CPSF6: variants seen among roughly 807,000 people sequenced by gnomAD.
CPSF6 encodes the protein cleavage and polyadenylation specific factor 6.
Under a neutral mutation model 56.7 loss-of-function variants are expected in CPSF6, and 10 were observed. The observed-to-expected ratio is 0.18, with a 90% CI of 0.11 to 0.30. The LOEUF (loss-of-function observed/expected upper bound fraction) is 0.30, where lower values mean the gene tolerates loss of function less well. CPSF6 is among the 10% of genes least tolerant of loss of function. The probability of loss-of-function intolerance (pLI) is 1.00; values close to 1 mark genes in which losing one functional copy is unlikely to be tolerated. For missense variants in CPSF6, 419 were observed against 722.9 expected, an observed-to-expected ratio of 0.58 and a Z score of 4.82; for synonymous variants, 248 against 244.8, an observed-to-expected ratio of 1.01 and a Z score of -0.12.
At chr12:69,263,047 A>T (rs1428087433) in intron 9 of CPSF6, among the ~76,000 whole-genome samples, 1 of 151,686 alleles carries the variant, frequency 6.6e-6, no homozygotes. Context: ...TTTATAATAC[A>T]GGAGGGTGTT....
rs1234115148 is a variant in CPSF6 at position 69,262,529 on chromosome 12, TGACCGAGAGCGC to T, written c.1629_1640del (p.Asp543_Arg546del). 3.7e-6 allele frequency: 6 copies of T among 1,613,458 alleles called. No homozygotes were observed. Among genetic ancestry groups the T allele is most frequent in the Non-Finnish European group, 5.1e-6 (6 of 1,179,634 alleles). Reference sequence around the variant, plus strand: ...GTGACCGAGACCGTGACCGAGAGCGTGACCGAGAGCGCGAATATCGTCATCGTTAGAAGGTGG... The same window carrying T: ...GTGACCGAGACCGTGACCGAGAGCGTGAATATCGTCATCGTTAGAAGGTGG... On this transcript the variant is annotated inframe_deletion, in exon 9 of 10. Coordinates refer to ENST00000435070, the MANE Select transcript of CPSF6 (RefSeq NM_007007.3).
At position 69,251,163 on chromosome 12, in the gene CPSF6, T is replaced by G; in HGVS notation, c.95T>G (p.Leu32Trp). The G allele has an allele frequency of 6.2e-7, 1 of 1,612,550 alleles. No homozygotes were observed. The highest frequency in any genetic ancestry group is 8.5e-7 in the Non-Finnish European group (1 of 1,179,316). Residue 32 changes from leucine (L) to tryptophan (W), a missense_variant, in exon 2 of 10, where the codon TTG becomes TGG. Coordinates refer to ENST00000435070, the MANE Select transcript of CPSF6 (RefSeq NM_007007.3). Reference protein sequence around the residue: ...AEYGGHDQIDLYDDVISPSAN... With the variant: ...AEYGGHDQIDWYDDVISPSAN... The stretch of plus-strand genomic sequence containing the variant: ...TATGGTGGGCATGATCAGATAGATT[T>G]GTATGACGATGTCATATCTCCATCT...
chr12:69,255,857 G>A (rs1166791004), intron 3 of CPSF6, among the ~76,000 whole-genome samples: 1 of 152,016 alleles, frequency 6.6e-6, no homozygotes. Context: ...TTTAATACTT[G>A]TCTTTTTGAT....
rs1872625165 is a variant in CPSF6 at position 69,258,876 on chromosome 12, A to G, written c.981A>G (p.Pro327=). 1 of 1,613,532 alleles carries G rather than the reference A, an allele frequency of 6.2e-7. No homozygotes were observed. Among genetic ancestry groups the G allele is most frequent in the Admixed American group, 1.7e-5 (1 of 59,940 alleles). The change falls in exon 6 of 10, where the codon CCA becomes CCG. Residue 327 remains proline, a synonymous_variant. Transcript: ENST00000435070. This position sits in a 1 kb window ranked among gnomAD's most constrained non-coding sequence, Gnocchi z 4.2. ...PPPPGPFPPR[P]PGPLGPPLTL... ...CTCCAGGCCCCTTTCCACCTCGTCC[A>G]CCCGGTCCACTTGGGCCACCCCTTA...
chr12:69,259,025 G>A lies in CPSF6; in HGVS notation c.1130G>A (p.Gly377Asp). Residue 377 changes from glycine (G) to aspartate (D), a missense_variant, in exon 6 of 10, where the codon GGT becomes GAT. Transcript: ENST00000435070. The part of the protein sequence containing the change: ...NSGMPTSDSR[G>D]PPPTDPYGRP... ...GGCATGCCTACATCAGATAGCCGAG[G>A]TCCACCACCAACAGATCCATATGGG... 1 of 1,608,636 alleles carries A rather than the reference G, an allele frequency of 6.2e-7. No individual in the cohort carries two copies.
chr12:69,262,642 A>T (rs1215437056), intron 9 of CPSF6, 80 bp downstream of exon 9: 1 of 1,327,166 alleles, frequency 7.5e-7, no homozygotes, highest in African/African-American at 1.5e-5. Flanking sequence ...TTTATACAGT[A>T]TATACCTACA....
intron 8 of CPSF6, among the ~76,000 whole-genome samples, chr12:69,260,658 ATTG>A (rs1303600607): frequency 6.6e-6 from 1 of 152,082 alleles, no homozygotes; most frequent in Non-Finnish European, 1.5e-5. Flanking sequence ...AGTCTGTCGT[ATTG>A]TTCTTTTTAT....
chr12:69,262,710 A>G, intron 9 of CPSF6, 148 bp downstream of exon 9: 1 of 1,048,088 alleles, frequency 9.5e-7, no homozygotes, highest in Non-Finnish European at 1.3e-6. Flanking sequence ...GAAACAAATT[A>G]TAGGTAAGTA....
chr12:69,260,676 T>A (rs773340853), intron 8 of CPSF6, among the ~76,000 whole-genome samples: 1 of 152,230 alleles, frequency 6.6e-6, no homozygotes, highest in Non-Finnish European at 1.5e-5. Context: ...TTTTATTTCT[T>A]CCATAGTACT....
intron 1 of CPSF6, among the ~76,000 whole-genome samples, chr12:69,248,170 A>G (rs556682732): frequency 3.9e-5 from 6 of 152,368 alleles, no homozygotes; most frequent in South Asian, 4.1e-4. Context: ...TGTAGCTGCA[A>G]TTATGCTTGT....
intron 1 of CPSF6, among the ~76,000 whole-genome samples, chr12:69,249,166 G>GT (rs1872092077): frequency 1.3e-5 from 1 of 79,808 alleles, no homozygotes; most frequent in Non-Finnish European, 2.7e-5. Context: ...GGGGGGGGGG[G>GT]GGGCTGAGGC....
Position 69,239,717 on chromosome 12 carries a change from GC to G in CPSF6, c.60+14del. ...GAAGAGTTCAACCAGGTACGTGAGAGCCCAGGTCCCCGCCGCCGACGCGGGC... is the reference window on the plus strand; with the variant it reads ...GAAGAGTTCAACCAGGTACGTGAGAGCCAGGTCCCCGCCGCCGACGCGGGC... On this transcript the variant is annotated intron_variant, in intron 1 of 9. Transcript: ENST00000435070. 1 of 1,570,918 alleles carries G rather than the reference GC, an allele frequency of 6.4e-7. No individual in the cohort carries two copies. The highest frequency in any genetic ancestry group is 8.6e-7 in the Non-Finnish European group (1 of 1,159,322).
At position 69,269,702 on chromosome 12, in the gene CPSF6, G is replaced by T; in HGVS notation, c.*194G>T. 4.7e-6 allele frequency: 1 copy of T among 213,810 alleles called. No individual in the cohort carries two copies. The highest frequency in any genetic ancestry group is 1.5e-4 in the East Asian group (1 of 6,786). 13.2% of individuals were successfully genotyped at this position (213,810 alleles called of 1,614,324 possible). The stretch of plus-strand genomic sequence containing the variant: ...TAGCTCTACTTTTATTTTTTATGTT[G>T]CTTAACTGTTTTATTTGAAGGAAAC... On this transcript the variant is annotated 3_prime_UTR_variant, in exon 10 of 10. Transcript: ENST00000435070.
rs676356 is a variant in CPSF6 at position 69,257,301 on chromosome 12, G to C, written c.521-431G>C. ...AAAAGATTTGTCATTATACATTTAA[G>C]TACATTATCTTTAAAGAGATGAGAT... On this transcript the variant is annotated intron_variant, in intron 4 of 9. Coordinates refer to ENST00000435070, the MANE Select transcript of CPSF6 (RefSeq NM_007007.3). Among the ~76,000 whole-genome samples, 359 of 152,312 alleles carry C rather than the reference G, an allele frequency of 2.4e-3. 2 individuals carry two copies. Among genetic ancestry groups the C allele is most frequent in the African/African-American group, 8.3e-3 (343 of 41,574 alleles).
chr12:69,258,181 A>G lies in CPSF6; in HGVS notation c.694+276A>G. ...TTCTCCAAACTTGCTTGACTTATAT[A>G]TAGAATATTTACATCCGTCTTACTT... On this transcript the variant is annotated intron_variant, in intron 5 of 9. Coordinates refer to ENST00000435070, the MANE Select transcript of CPSF6 (RefSeq NM_007007.3). The surrounding 1 kb of genome is among the most constrained non-coding windows in gnomAD (Gnocchi z 4.2). 1 of 1,138,562 alleles carries G rather than the reference A, an allele frequency of 8.8e-7. No individual in the cohort carries two copies. Among genetic ancestry groups the G allele is most frequent in the Non-Finnish European group, 1.3e-6 (1 of 796,656 alleles). 70.5% of individuals were successfully genotyped at this position (1,138,562 alleles called of 1,614,324 possible).
intron 1 of CPSF6, among the ~76,000 whole-genome samples, chr12:69,247,573 A>G (rs1180360090): frequency 6.6e-6 from 1 of 152,218 alleles, no homozygotes; most frequent in Non-Finnish European, 1.5e-5. Context: ...TCATGTAATA[A>G]AAAATGATAC....
At chr12:69,250,975 A>G in intron 1 of CPSF6, 154 bp from the exon 2 acceptor site, 1 of 292,606 alleles carries the variant, frequency 3.4e-6, no homozygotes, top group Non-Finnish European at 5.1e-6. Flanking sequence ...CTGTTCAAGA[A>G]TACATCTATT....
chr12:69,243,215 A>T (rs549623020), intron 1 of CPSF6, among the ~76,000 whole-genome samples: 1 of 152,220 alleles, frequency 6.6e-6, no homozygotes, highest in African/African-American at 2.4e-5. Context: ...GCTGAGAGAT[A>T]CCTACATACA....
rs1873202760 is a variant in CPSF6, at chr12:69,270,716, A to G, written c.*1208A>G. 1 of 151,572 alleles carries G rather than the reference A, an allele frequency of 6.6e-6. No individual in the cohort carries two copies. Among genetic ancestry groups the G allele is most frequent in the Non-Finnish European group, 1.5e-5 (1 of 67,612 alleles). 9.4% of individuals were successfully genotyped at this position (151,572 alleles called of 1,614,324 possible). On this transcript the variant is annotated 3_prime_UTR_variant, in exon 10 of 10. Coordinates refer to ENST00000435070, the MANE Select transcript of CPSF6 (RefSeq NM_007007.3). ...TCATGCTATAGTTACTTAATCAAAG[A>G]TTTTTTTCAAACCTGCCTTACATAT...
Sources: allele counts gnomAD v4.1 joint callset (sites outside exome capture counted in the v4.1 genomes callset), GRCh38; gene constraint gnomAD v4.1.1; non-coding constraint Gnocchi (gnomAD v3.1); transcripts MANE v1.5; gene names NCBI Gene and HGNC (gene_info 2026-07-23, HGNC 2026-07-21).